MAP3K20: variants seen among roughly 807,000 people sequenced by gnomAD.
MAP3K20 encodes mitogen-activated protein kinase kinase kinase 20.
A neutral mutation model predicts 85.7 loss-of-function variants in MAP3K20; 40 were observed. That is an observed-to-expected ratio of 0.47 (90% CI 0.36 to 0.61). The LOEUF is 0.61. Among genes scored for constraint, MAP3K20 ranks in the 20% least tolerant of loss-of-function variants. The pLI is 0.00. For missense variants in MAP3K20, 817 were observed against 961.7 expected (o/e 0.85, Z 1.99); for synonymous variants, 325 against 327.7 (o/e 0.99, Z 0.09).
At chr2:173,087,931 G>T (rs189516266) in intron 1 of MAP3K20, among the ~76,000 whole-genome samples, 21 of 152,242 alleles carry the variant, frequency 1.4e-4, no homozygotes, top group Admixed American at 1.4e-3. Flanking sequence ...AGAGGAAAAA[G>T]GTGAAGGAAA....
intron 16 of MAP3K20, among the ~76,000 whole-genome samples, chr2:173,242,707 T>C (rs888282624): frequency 7.0e-6 from 1 of 143,268 alleles, no homozygotes; most frequent in African/African-American, 2.6e-5. Context: ...TTCTTTTTTT[T>C]TTTTTTTTTT....
At chr2:173,207,692 G>A (rs1201211423) in intron 9 of MAP3K20, 2 of 149,620 alleles carry the variant, frequency 1.3e-5, no homozygotes, top group Non-Finnish European at 3.0e-5. Context: ...GAGAAATAAT[G>A]TATGTAGATG....
intron 16 of MAP3K20, among the ~76,000 whole-genome samples, chr2:173,250,133 T>C (rs1685009945): frequency 3.3e-5 from 5 of 152,262 alleles, no homozygotes. Context: ...TAAAAATGAC[T>C]CATTTTCCTT....
At chr2:173,137,445 A>C (rs2106209040) in intron 2 of MAP3K20, among the ~76,000 whole-genome samples, 1 of 152,344 alleles carries the variant, frequency 6.6e-6, no homozygotes, top group Non-Finnish European at 1.5e-5. Flanking sequence ...GTATGAATGC[A>C]GAAGACAGAA....
At chr2:173,126,296 T>A (rs181026367) in intron 2 of MAP3K20, among the ~76,000 whole-genome samples, 218 of 152,332 alleles carry the variant, frequency 1.4e-3, no homozygotes, top group African/African-American at 5.1e-3. Context: ...GAGATGATTC[T>A]ATGGTATTCT....
chr2:173,241,700 C>T (rs1329817789), intron 16 of MAP3K20, among the ~76,000 whole-genome samples: 1 of 152,132 alleles, frequency 6.6e-6, no homozygotes, highest in African/African-American at 2.4e-5. Context: ...TAAAGATGCC[C>T]TTTCTAGACA....
chr2:173,110,967 AATGG>A (rs1687958388), intron 2 of MAP3K20, among the ~76,000 whole-genome samples: 5 of 152,202 alleles, frequency 3.3e-5, no homozygotes, highest in Admixed American at 1.3e-4. Flanking sequence ...TGCTGGATCA[AATGG>A]TAGTTCTACT....
rs1429942754 is a variant in MAP3K20, at chr2:173,198,725, A to G, written c.669+613A>G. The G allele has an allele frequency of 6.6e-6, 1 of 152,644 alleles. No individual in the cohort carries two copies. The highest frequency in any genetic ancestry group is 1.5e-5 in the Non-Finnish European group (1 of 68,050). The allele number at this position is 152,644 out of a possible 1,614,324, so 9.5% of individuals were successfully genotyped here. On this transcript the variant is annotated intron_variant, in intron 8 of 19. Transcript: ENST00000375213. This position sits in a 1 kb window ranked among gnomAD's most constrained non-coding sequence, Gnocchi z 5.8. Reference sequence around the variant, plus strand: ...TCTTCATGCAGAGCCTTTCCATTTCAAAAGAACTTCAGTGGCGTAAACACC... The same window carrying G: ...TCTTCATGCAGAGCCTTTCCATTTCGAAAGAACTTCAGTGGCGTAAACACC...
intron 11 of MAP3K20, chr2:173,224,370 T>G: frequency 1.0e-6 from 1 of 985,360 alleles, no homozygotes; most frequent in Non-Finnish European, 1.2e-6. Context: ...AAATGGACAT[T>G]TTTTCTTAAT....
At chr2:173,248,819 T>C (rs1684981056) in intron 16 of MAP3K20, among the ~76,000 whole-genome samples, 1 of 152,170 alleles carries the variant, frequency 6.6e-6, no homozygotes, top group African/African-American at 2.4e-5. Context: ...AGCACACTAT[T>C]GGGTCTCTCT....
At chr2:173,205,107 A>AT (rs1683634212) in intron 9 of MAP3K20, among the ~76,000 whole-genome samples, 1 of 125,852 alleles carries the variant, frequency 7.9e-6, no homozygotes, top group African/African-American at 3.2e-5. Flanking sequence ...TGTCTCAAAA[A>AT]AAAAAAAAAA....
At chr2:173,133,156 C>T (rs756443857) in intron 2 of MAP3K20, among the ~76,000 whole-genome samples, 1 of 152,032 alleles carries the variant, frequency 6.6e-6, no homozygotes, top group Admixed American at 6.6e-5. Context: ...TTATTTAATT[C>T]CAAAATTTTA....
In MAP3K20 at chr2:173,258,681, T is replaced by A; in HGVS notation, c.1360-18T>A. The A allele has an allele frequency of 7.5e-7, 1 of 1,326,954 alleles. No homozygotes were observed. Among genetic ancestry groups the A allele is most frequent in the African/African-American group, 1.5e-5 (1 of 67,708 alleles). 82.2% of individuals were successfully genotyped at this position (1,326,954 alleles called of 1,614,324 possible). A position where few individuals can be genotyped will look rare whatever the true frequency, so the allele number is the denominator to read the frequency against. ...TGTTTCACTTTCTCAAATTCTGTAA[T>A]TTTGTTTTTAATTCCAGGATTGTAA... On this transcript the variant is annotated intron_variant, in intron 16 of 19. Coordinates refer to ENST00000375213, the MANE Select transcript of MAP3K20 (RefSeq NM_016653.3).
chr2:173,227,801 G>A (rs1197173123), intron 11 of MAP3K20, among the ~76,000 whole-genome samples: 1 of 152,120 alleles, frequency 6.6e-6, no homozygotes, highest in African/African-American at 2.4e-5. Context: ...ATAAAGGTGA[G>A]CCTTGATGCA....
intron 12 of MAP3K20, 141 bp downstream of exon 12, chr2:173,229,874 A>G: frequency 1.1e-6 from 1 of 933,790 alleles, no homozygotes; most frequent in East Asian, 2.5e-5. Flanking sequence ...TCTGTCTCCC[A>G]GGCTGGAGTG....
In MAP3K20 at chr2:173,090,980, T is replaced by G; in HGVS notation, c.-34-18T>G. 1 of 1,561,694 alleles carries G rather than the reference T, an allele frequency of 6.4e-7. No individual in the cohort carries two copies. Among genetic ancestry groups the G allele is most frequent in the Non-Finnish European group, 8.7e-7 (1 of 1,155,798 alleles). On this transcript the variant is annotated intron_variant, in intron 1 of 19. Transcript: ENST00000375213. ...AATATATTTGTAATTCAGCTTTTCTTTTTCTTTCTTTCTGCAGATTTTGTG... is the reference window on the plus strand; with the variant it reads ...AATATATTTGTAATTCAGCTTTTCTGTTTCTTTCTTTCTGCAGATTTTGTG...
intron 19 of MAP3K20, 137 bp from the exon 20 acceptor site, chr2:173,265,913 T>C (rs1203017597): frequency 1.2e-6 from 1 of 847,554 alleles, no homozygotes; most frequent in East Asian, 2.7e-5. Flanking sequence ...AACGTCCTTA[T>C]ACATAGCCTA....
chr2:173,226,581 A>T (rs1684394115), intron 11 of MAP3K20: 1 of 985,742 alleles, frequency 1.0e-6, no homozygotes, highest in African/African-American at 1.7e-5. Context: ...ATCCATCAGG[A>T]AATCTAGAAG....
At chr2:173,107,873 AT>A (rs1477572815) in intron 2 of MAP3K20, among the ~76,000 whole-genome samples, 1 of 152,226 alleles carries the variant, frequency 6.6e-6, no homozygotes, top group South Asian at 2.1e-4. Flanking sequence ...TAGGGCTATG[AT>A]TTCAGCAGCA....
Sources: allele counts gnomAD v4.1 joint callset (sites outside exome capture counted in the v4.1 genomes callset), GRCh38; gene constraint gnomAD v4.1.1; non-coding constraint Gnocchi (gnomAD v3.1); transcripts MANE v1.5; gene names NCBI Gene and HGNC (gene_info 2026-07-23, HGNC 2026-07-21).